ST6GALNAC3: variants seen among roughly 807,000 people sequenced by gnomAD.
The protein encoded by ST6GALNAC3 is alpha-N-acetylgalactosaminide alpha-2,6-sialyltransferase 3.
A neutral mutation model predicts 32.7 loss-of-function variants in ST6GALNAC3; 25 were observed. That is an observed-to-expected ratio of 0.76 (90% CI 0.56 to 1.07). The LOEUF (loss-of-function observed/expected upper bound fraction) is 1.07. Ranked by LOEUF, ST6GALNAC3 falls within the 50% of genes least tolerant of loss-of-function variation. ST6GALNAC3 has a pLI of 0.00. For synonymous variants in ST6GALNAC3, 129 were observed against 133.1 expected (o/e 0.97, Z 0.21); for missense variants, 355 against 382.4 (o/e 0.93, Z 0.60).
chr1:76,514,158 C>A (rs1382788722), intron 3 of ST6GALNAC3, among the ~76,000 whole-genome samples: 1 of 152,100 alleles, frequency 6.6e-6, no homozygotes, highest in Non-Finnish European at 1.5e-5. Context: ...ATTTCTTCCT[C>A]TTGACTAGTT....
chr1:76,407,749 T>G (rs1307712273), intron 2 of ST6GALNAC3, among the ~76,000 whole-genome samples: 1 of 151,558 alleles, frequency 6.6e-6, no homozygotes, highest in African/African-American at 2.4e-5. Context: ...TAGATGTGGC[T>G]TGATAAAGTG....
intron 3 of ST6GALNAC3, among the ~76,000 whole-genome samples, chr1:76,604,742 C>T (rs898172525): frequency 6.6e-6 from 1 of 152,190 alleles, no homozygotes; most frequent in Admixed American, 6.5e-5. Flanking sequence ...TGTTACTTCA[C>T]ATCCTAAAAT....
chr1:76,347,104 G>A (rs1648587245), intron 2 of ST6GALNAC3, among the ~76,000 whole-genome samples: 1 of 152,134 alleles, frequency 6.6e-6, no homozygotes, highest in Non-Finnish European at 1.5e-5. Flanking sequence ...GTCAGACAAT[G>A]TAATTTTGTT....
intron 1 of ST6GALNAC3, among the ~76,000 whole-genome samples, chr1:76,303,104 T>C (rs1474331541): frequency 9.8e-6 from 1 of 102,080 alleles, no homozygotes; most frequent in East Asian, 9.9e-4. Flanking sequence ...CACAGTCCTA[T>C]GCAAGTTTTC....
At chr1:76,412,503 A>T in intron 3 of ST6GALNAC3, 86 bp downstream of exon 3, 1 of 1,348,686 alleles carries the variant, frequency 7.4e-7, no homozygotes, top group Non-Finnish European at 1.0e-6. Flanking sequence ...ATATAAAATG[A>T]ACAGTTATTT....
At chr1:76,140,200 G>A (rs1312450896) in intron 1 of ST6GALNAC3, among the ~76,000 whole-genome samples, 2 of 152,174 alleles carry the variant, frequency 1.3e-5, no homozygotes, top group Non-Finnish European at 2.9e-5. Context: ...CCAATGCTCC[G>A]TGGAAGTAGA....
intron 3 of ST6GALNAC3, among the ~76,000 whole-genome samples, chr1:76,422,578 A>C (rs1412807421): frequency 6.6e-6 from 1 of 152,022 alleles, no homozygotes; most frequent in Admixed American, 6.6e-5. Flanking sequence ...CATCAGAATT[A>C]CAAGGGGTGC....
intron 2 of ST6GALNAC3, among the ~76,000 whole-genome samples, chr1:76,397,386 T>TTTTC (rs1553190687): frequency 5.3e-5 from 8 of 151,036 alleles, no homozygotes; most frequent in African/African-American, 1.9e-4. Flanking sequence ...TTTTTTTTTT[T>TTTTC]CTGAGATGGA....
chr1:76,255,250 A>G (rs1296064661), intron 1 of ST6GALNAC3, among the ~76,000 whole-genome samples: 2 of 151,912 alleles, frequency 1.3e-5, no homozygotes, highest in African/African-American at 4.8e-5. Context: ...GGCCCCTTAT[A>G]CTAACTGAGT....
At chr1:76,511,453 T>C (rs1030310162) in intron 3 of ST6GALNAC3, among the ~76,000 whole-genome samples, 2 of 152,204 alleles carry the variant, frequency 1.3e-5, no homozygotes, top group African/African-American at 4.8e-5. Flanking sequence ...CTGCTGCTGC[T>C]CACATCCCTA....
At chr1:76,467,039 C>G (rs186193849) in intron 3 of ST6GALNAC3, among the ~76,000 whole-genome samples, 121 of 152,092 alleles carry the variant, frequency 8.0e-4, no homozygotes, top group Non-Finnish European at 7.9e-4. Flanking sequence ...AAGTATGAAT[C>G]TTTGAGACCT....
intron 3 of ST6GALNAC3, among the ~76,000 whole-genome samples, chr1:76,518,088 T>A (rs1272338689): frequency 6.6e-6 from 1 of 152,062 alleles, no homozygotes; most frequent in Non-Finnish European, 1.5e-5. Flanking sequence ...CATTGATTTA[T>A]AATTTGTGTC....
At position 76,231,331 on chromosome 1, in the gene ST6GALNAC3, G is replaced by A. The variant is rs144333243; in HGVS notation, c.19-82474G>A. 9.7e-4 allele frequency among the ~76,000 whole-genome samples: 147 copies of A among 152,124 alleles called. 1 individual carries two copies. Among genetic ancestry groups the A allele is most frequent in the African/African-American group, 3.3e-3 (137 of 41,502 alleles). ...TAAAATTTTTTTTTATTATTTTATC[G>A]TTAATTGTAGTAAAATACACAGAAC... On this transcript the variant is annotated intron_variant, in intron 1 of 4. Coordinates refer to ENST00000328299, the MANE Select transcript of ST6GALNAC3 (RefSeq NM_152996.4).
rs71071991 is a variant in ST6GALNAC3, at chr1:76,183,851, AATAT to A, written c.18+108986_18+108989del. Among the ~76,000 whole-genome samples, 29 of 118,598 alleles carry A rather than the reference AATAT, an allele frequency of 2.4e-4. 1 individual carries two copies. Among genetic ancestry groups the A allele is most frequent in the East Asian group, 6.6e-4 (3 of 4,516 alleles). The allele number at this position is 118,598 out of a possible 152,430, so 77.8% of individuals were successfully genotyped here. A position where few individuals can be genotyped will look rare whatever the true frequency, so the allele number is the denominator to read the frequency against. On this transcript the variant is annotated intron_variant, in intron 1 of 4. Coordinates refer to ENST00000328299, the MANE Select transcript of ST6GALNAC3 (RefSeq NM_152996.4). The stretch of plus-strand genomic sequence containing the variant: ...GTTGTTGACCAAAATGTAGTGCATG[AATAT>A]ATATATATATATATATATGTATGTT...
intron 1 of ST6GALNAC3, among the ~76,000 whole-genome samples, chr1:76,116,824 C>G (rs997288945): frequency 6.6e-6 from 1 of 152,154 alleles, no homozygotes; most frequent in African/African-American, 2.4e-5. Flanking sequence ...CCCAGCTACT[C>G]AGGAGGCTGA....
At chr1:76,416,998 T>C (rs1281725252) in intron 3 of ST6GALNAC3, among the ~76,000 whole-genome samples, 1 of 152,142 alleles carries the variant, frequency 6.6e-6, no homozygotes, top group East Asian at 1.9e-4. Context: ...ATGTATATCA[T>C]TTAAATGTCT....
chr1:76,613,873 C>T (rs528943401), intron 3 of ST6GALNAC3, among the ~76,000 whole-genome samples: 7 of 152,300 alleles, frequency 4.6e-5, no homozygotes, highest in Admixed American at 3.3e-4. Flanking sequence ...TCAAGTAGTT[C>T]TTTGTAGCAA....
chr1:76,365,547 CTA>C (rs1449819057), intron 2 of ST6GALNAC3, among the ~76,000 whole-genome samples: 2 of 152,132 alleles, frequency 1.3e-5, no homozygotes, highest in Non-Finnish European at 2.9e-5. Context: ...TGTTTTAACA[CTA>C]TAGTGAATAG....
chr1:76,493,815 A>T (rs549065618), intron 3 of ST6GALNAC3, among the ~76,000 whole-genome samples: 1 of 152,124 alleles, frequency 6.6e-6, no homozygotes, highest in African/African-American at 2.4e-5. Flanking sequence ...AGCCATTCAG[A>T]TCTTTTTCAA....
Sources: gnomAD v4.1 joint callset for allele counts (sites outside exome capture counted in the v4.1 genomes callset) on GRCh38, gnomAD v4.1.1 for gene constraint, MANE v1.5 for transcripts, NCBI Gene and HGNC (gene_info 2026-07-23, HGNC 2026-07-21) for gene names.